Variants in DDX60 observed in about 807,000 individuals in gnomAD.
DDX60 encodes the protein probable ATP-dependent RNA helicase DDX60.
DDX60 carries 165 observed loss-of-function variants against 212.8 expected under a neutral mutation model. That is an observed-to-expected ratio of 0.78 (90% CI 0.68 to 0.88). DDX60 has a LOEUF of 0.88. DDX60 is among the 40% of genes least tolerant of loss of function. The pLI, the probability that DDX60 is intolerant of heterozygous loss-of-function variation, is 0.00. For missense variants in DDX60, 1,905 were observed against 2,003.9 expected (o/e 0.95, Z 0.94); for synonymous variants, 703 against 685.3 (o/e 1.03, Z -0.40).
In DDX60 at chr4:168,291,728, C is replaced by T; in HGVS notation, c.1041+20G>A. On this transcript the variant is annotated intron_variant, in intron 8 of 37. Transcript: ENST00000393743. ...ACATTCAAAACACAAAAATAGTAAA[C>T]TAATAAAGAGTACATTTACCATTTG... 3.9e-6 allele frequency: 6 copies of T among 1,531,378 alleles called. No individual in the cohort carries two copies. The highest frequency in any genetic ancestry group is 5.2e-6 in the Non-Finnish European group (6 of 1,144,580). 94.9% of individuals were successfully genotyped at this position (1,531,378 alleles called of 1,614,324 possible). A position where few individuals can be genotyped will look rare whatever the true frequency, so the allele number is the denominator to read the frequency against.
chr4:168,220,564 T>C lies in DDX60; in HGVS notation c.5039+91A>G, dbSNP rs866634995. 21 of 733,880 alleles carry C rather than the reference T, an allele frequency of 2.9e-5. No homozygotes were observed. In the Middle Eastern group the frequency reaches 9.0e-4, roughly 32 times the overall value. 45.5% of individuals were successfully genotyped at this position (733,880 alleles called of 1,614,324 possible). Reference sequence around the variant, plus strand: ...CAGAAGAAGCTTAATGGCACCTTCATGTACCTGGCTTATAGTAACAGCTCA... The same window carrying C: ...CAGAAGAAGCTTAATGGCACCTTCACGTACCTGGCTTATAGTAACAGCTCA... On this transcript the variant is annotated intron_variant, in intron 37 of 37. Coordinates refer to ENST00000393743, the MANE Select transcript of DDX60 (RefSeq NM_017631.6).
chr4:168,261,890 C>T, intron 24 of DDX60, 110 bp downstream of exon 24: 1 of 1,271,702 alleles, frequency 7.9e-7, no homozygotes, highest in Non-Finnish European at 1.1e-6. Context: ...ACTTAAATTT[C>T]TAAAATAAAA....
At chr4:168,296,216 C>T (rs146925640) in intron 6 of DDX60, among the ~76,000 whole-genome samples, 90 of 152,168 alleles carry the variant, frequency 5.9e-4, no homozygotes, top group African/African-American at 1.9e-3. Flanking sequence ...AATCATGTCA[C>T]GTTGTATACA....
intron 19 of DDX60, among the ~76,000 whole-genome samples, chr4:168,270,474 T>G (rs759965263): frequency 2.6e-5 from 4 of 152,214 alleles, no homozygotes; most frequent in Non-Finnish European, 5.9e-5. Flanking sequence ...GAATAGACAT[T>G]AGCCTTTAAA....
chr4:168,222,220 T>C (rs928073403), intron 35 of DDX60, among the ~76,000 whole-genome samples: 13 of 152,260 alleles, frequency 8.5e-5, no homozygotes, highest in African/African-American at 2.4e-4. Flanking sequence ...GTAAACAGAA[T>C]ATTAATGAGC....
intron 6 of DDX60, among the ~76,000 whole-genome samples, chr4:168,299,554 G>T (rs1035149113): frequency 2.0e-5 from 3 of 150,992 alleles, no homozygotes; most frequent in African/African-American, 7.3e-5. Flanking sequence ...CAAACCACTA[G>T]CTAACCTGAT....
chr4:168,280,650 C>T, intron 13 of DDX60, 60 bp from the exon 14 acceptor site: 2 of 1,521,736 alleles, frequency 1.3e-6, no homozygotes, highest in Non-Finnish European at 1.8e-6. Flanking sequence ...GATAACAGGT[C>T]ATGAGTGAGA....
chr4:168,224,150 C>T, intron 35 of DDX60, 93 bp downstream of exon 35: 2 of 1,411,390 alleles, frequency 1.4e-6, no homozygotes, highest in Non-Finnish European at 2.0e-6. Flanking sequence ...CCTTTTTAAG[C>T]TGGGAAATTC....
chr4:168,319,269 CATAAAT>C (rs1737542082), upstream of DDX60, among the ~76,000 whole-genome samples: 1 of 151,954 alleles, frequency 6.6e-6, no homozygotes. Flanking sequence ...GGAATTTGGG[CATAAAT>C]ATAGAGTAAA....
intron 8 of DDX60, among the ~76,000 whole-genome samples, chr4:168,289,878 T>C (rs1483342295): frequency 2.0e-5 from 3 of 152,214 alleles, no homozygotes; most frequent in African/African-American, 7.2e-5. Context: ...CACTGGTCCC[T>C]GGCACCATCA....
At chr4:168,302,969 A>G (rs897311699) in intron 5 of DDX60, among the ~76,000 whole-genome samples, 2 of 152,142 alleles carry the variant, frequency 1.3e-5, no homozygotes, top group African/African-American at 2.4e-5. Context: ...TATTCAACAA[A>G]TTAGGAAATA....
At chr4:168,229,314 T>C (rs1167217266) in intron 33 of DDX60, among the ~76,000 whole-genome samples, 3 of 151,968 alleles carry the variant, frequency 2.0e-5, no homozygotes, top group Admixed American at 2.0e-4. Context: ...AAGTGAAATA[T>C]AGGTGTAGAG....
At chr4:168,304,335 C>CT (rs1202895861) in intron 5 of DDX60, among the ~76,000 whole-genome samples, 1 of 151,930 alleles carries the variant, frequency 6.6e-6, no homozygotes, top group Non-Finnish European at 1.5e-5. Context: ...GTGTTTGCAT[C>CT]TTTTTTTCTT....
Position 168,286,591 on chromosome 4 carries a change from C to T in DDX60, c.1339+457G>A, listed in dbSNP as rs554155405. Among the ~76,000 whole-genome samples the T allele has an allele frequency of 3.9e-5, 6 of 152,140 alleles. No homozygotes were observed. In the South Asian group the frequency reaches 1.0e-3, roughly 26 times the overall value. On this transcript the variant is annotated intron_variant, in intron 10 of 37. Transcript: ENST00000393743. ...TAGTGCTCCCTGTGCCTGCGTTTGT[C>T]GGGATCCTTTCTTATTTAAGCCCCT...
In DDX60 at chr4:168,273,947, A is replaced by ACGTACACGACCACCC; in HGVS notation, c.2426_2440dup (p.Gly809_Tyr813dup). ...CTTGAGCACTACCTTTGTGGGTGCA[A>ACGTACACGACCACCC]CGTACACGACCACCCCGTCGTCGCT... On this transcript the variant is annotated inframe_insertion, in exon 17 of 38. Transcript: ENST00000393743. 1 of 1,613,936 alleles carries ACGTACACGACCACCC rather than the reference A, an allele frequency of 6.2e-7. No individual in the cohort carries two copies. Among genetic ancestry groups the ACGTACACGACCACCC allele is most frequent in the South Asian group, 1.1e-5 (1 of 91,054 alleles).
intron 35 of DDX60, 87 bp from the exon 36 acceptor site, chr4:168,221,968 T>C: frequency 7.4e-7 from 1 of 1,353,286 alleles, no homozygotes; most frequent in Non-Finnish European, 1.0e-6. Context: ...GATACATCCT[T>C]TAGTTACCAT....
chr4:168,269,133 C>T (rs1734978732), intron 19 of DDX60, among the ~76,000 whole-genome samples, 164 bp from the exon 20 acceptor site: 1 of 152,130 alleles, frequency 6.6e-6, no homozygotes, highest in South Asian at 2.1e-4. Flanking sequence ...ACCAATGCAC[C>T]AACAGTTCTG....
At chr4:168,297,376 AAGAAAGAG>A (rs1736439808) in intron 6 of DDX60, among the ~76,000 whole-genome samples, 1 of 56,190 alleles carries the variant, frequency 1.8e-5, no homozygotes, top group African/African-American at 1.3e-4. Flanking sequence ...GAAAGAAAGA[AAGAAAGAG>A]AAAGAAAGAA....
rs569911853 is a variant in DDX60, at chr4:168,233,084, A to G, written c.4533+3168T>C. 7.9e-5 allele frequency among the ~76,000 whole-genome samples: 12 copies of G among 152,126 alleles called. 1 individual carries two copies. The highest frequency in any genetic ancestry group is 2.9e-4 in the African/African-American group (12 of 41,554). ...ACAATTCTCAAAAGAAAATATATAAATGGCCAACAAACATATGAAAAAAAT... is the reference window on the plus strand; with the variant it reads ...ACAATTCTCAAAAGAAAATATATAAGTGGCCAACAAACATATGAAAAAAAT... On this transcript the variant is annotated intron_variant, in intron 33 of 37. Transcript: ENST00000393743.
Sources: gnomAD v4.1 joint callset for allele counts (sites outside exome capture counted in the v4.1 genomes callset) on GRCh38, gnomAD v4.1.1 for gene constraint, MANE v1.5 for transcripts, NCBI Gene and HGNC (gene_info 2026-07-23, HGNC 2026-07-21) for gene names.